ANO10: variants seen among roughly 807,000 people sequenced by gnomAD.
The protein encoded by ANO10 is anoctamin 10, also known as anoctamin-10.
Under a neutral mutation model 74.7 loss-of-function variants are expected in ANO10, and 77 were observed. That is an observed-to-expected ratio of 1.03 (90% CI 0.86 to 1.25). The LOEUF is 1.25. ANO10 is among the 50% of genes most tolerant of loss of function. ANO10 has a pLI of 0.00. For synonymous variants in ANO10, 279 were observed against 284.9 expected (o/e 0.98, Z 0.21); for missense variants, 721 against 778.1 (o/e 0.93, Z 0.87).
intron 11 of ANO10, among the ~76,000 whole-genome samples, chr3:43,482,858 C>T (rs910382648): frequency 6.6e-6 from 1 of 152,142 alleles, no homozygotes; most frequent in Non-Finnish European, 1.5e-5. Context: ...GGGTACAGGG[C>T]AGGGTACAGG....
At chr3:43,459,463 T>C (rs564133397) in intron 11 of ANO10, among the ~76,000 whole-genome samples, 1 of 152,294 alleles carries the variant, frequency 6.6e-6, no homozygotes, top group South Asian at 2.1e-4. Context: ...TTGCTGGCAA[T>C]GAAACAAGGT....
intron 11 of ANO10, among the ~76,000 whole-genome samples, chr3:43,434,840 A>G (rs2093043218): frequency 6.6e-6 from 1 of 152,176 alleles, no homozygotes; most frequent in African/African-American, 2.4e-5. Context: ...GAATTGAAAA[A>G]AGTTGGTATT....
At chr3:43,677,867 T>C (rs576508470) in intron 1 of ANO10, among the ~76,000 whole-genome samples, 2 of 152,336 alleles carry the variant, frequency 1.3e-5, no homozygotes, top group East Asian at 3.9e-4. Flanking sequence ...AGTTTCAGCA[T>C]TGGAAATGAC....
At chr3:43,387,522 A>G (rs2092156966) in intron 12 of ANO10, among the ~76,000 whole-genome samples, 1 of 152,182 alleles carries the variant, frequency 6.6e-6, no homozygotes, top group African/African-American at 2.4e-5. Context: ...GGAGCAGTCT[A>G]TAGCTGGGGC....
intron 11 of ANO10, among the ~76,000 whole-genome samples, chr3:43,453,582 T>C (rs1172355635): frequency 6.6e-6 from 1 of 152,190 alleles, no homozygotes; most frequent in Non-Finnish European, 1.5e-5. Context: ...TCTTAAGAGT[T>C]TTCTAGTCTT....
intron 12 of ANO10, among the ~76,000 whole-genome samples, chr3:43,422,245 T>C (rs1346382189): frequency 6.6e-6 from 1 of 151,992 alleles, no homozygotes; most frequent in African/African-American, 2.4e-5. Context: ...GCCTCCTGAG[T>C]AGCTGGGATT....
At chr3:43,466,012 C>T (rs191918919) in intron 11 of ANO10, among the ~76,000 whole-genome samples, 24 of 151,940 alleles carry the variant, frequency 1.6e-4, no homozygotes, top group Non-Finnish European at 2.6e-4. Flanking sequence ...GAATCCAGAA[C>T]GGCAAAACAA....
intron 4 of ANO10, among the ~76,000 whole-genome samples, chr3:43,588,943 T>C (rs1411526356): frequency 6.6e-6 from 1 of 152,130 alleles, no homozygotes; most frequent in Non-Finnish European, 1.5e-5. Flanking sequence ...AGAGCTATGA[T>C]GGATCAAGAA....
rs1481357487 is a variant in ANO10 at position 43,606,489 on chromosome 3, A to C, written c.-11-626T>G. 2.6e-5 allele frequency among the ~76,000 whole-genome samples: 4 copies of C among 152,086 alleles called. No individual in the cohort carries two copies. The East Asian group carries it at 7.7e-4, about 29-fold the overall frequency. ...GATGTAGTCGGTAGGGAGCTATTACAGATCACAAAGAGTCAGCCTAGAGTG... is the reference window on the plus strand; with the variant it reads ...GATGTAGTCGGTAGGGAGCTATTACCGATCACAAAGAGTCAGCCTAGAGTG... On this transcript the variant is annotated intron_variant, in intron 1 of 12. Transcript: ENST00000292246.
chr3:43,552,982 T>C (rs1423715620), intron 10 of ANO10, among the ~76,000 whole-genome samples: 2 of 151,896 alleles, frequency 1.3e-5, no homozygotes, highest in African/African-American at 2.4e-5. Flanking sequence ...TTGGTAGAGA[T>C]GGGGTTTCAC....
intron 11 of ANO10, among the ~76,000 whole-genome samples, chr3:43,435,751 G>A (rs554250447): frequency 2.6e-5 from 4 of 152,198 alleles, no homozygotes; most frequent in Non-Finnish European, 5.9e-5. Flanking sequence ...AGCATCAGTG[G>A]GAAGGTTAAG....
intron 12 of ANO10, among the ~76,000 whole-genome samples, chr3:43,420,350 G>A (rs770637058): frequency 2.6e-5 from 4 of 152,144 alleles, no homozygotes; most frequent in Non-Finnish European, 4.4e-5. Context: ...GGAGGCTGAG[G>A]TGTGAGGATA....
chr3:43,482,199 A>G (rs1362207267), intron 11 of ANO10, among the ~76,000 whole-genome samples: 1 of 151,950 alleles, frequency 6.6e-6, no homozygotes, highest in Admixed American at 6.6e-5. Context: ...AAGTGCTGGG[A>G]TTATAGGTGT....
rs2091421953 is a variant in ANO10, at chr3:43,366,708, G to A, written c.*198C>T. The A allele has an allele frequency of 4.7e-6, 3 of 639,824 alleles. No individual in the cohort carries two copies. Among genetic ancestry groups the A allele is most frequent in the Admixed American group, 2.3e-5 (1 of 43,354 alleles). 39.6% of individuals were successfully genotyped at this position (639,824 alleles called of 1,614,324 possible). On this transcript the variant is annotated 3_prime_UTR_variant, in exon 13 of 13. Transcript: ENST00000292246. Reference sequence around the variant, plus strand: ...GAAGGAGCAGACAGGGTGGGGCTGGGGGAACTGCCAAGGATCCCGAGCCAA... The same window carrying A: ...GAAGGAGCAGACAGGGTGGGGCTGGAGGAACTGCCAAGGATCCCGAGCCAA...
intron 4 of ANO10, among the ~76,000 whole-genome samples, chr3:43,586,281 G>A (rs1056824703): frequency 2.0e-5 from 3 of 152,098 alleles, no homozygotes; most frequent in Admixed American, 1.3e-4. Context: ...AGGATGGAAG[G>A]TAACTAGCTG....
intron 12 of ANO10, among the ~76,000 whole-genome samples, chr3:43,368,806 C>T (rs939704675): frequency 1.3e-5 from 2 of 152,062 alleles, no homozygotes; most frequent in South Asian, 4.1e-4. Flanking sequence ...CTCAATTTCC[C>T]AAGTAGCTGG....
intron 1 of ANO10, among the ~76,000 whole-genome samples, chr3:43,652,302 A>G (rs1393972803): frequency 6.6e-6 from 1 of 152,208 alleles, no homozygotes; most frequent in Non-Finnish European, 1.5e-5. Context: ...AAGGATAGAT[A>G]TATATTAATA....
intron 12 of ANO10, among the ~76,000 whole-genome samples, chr3:43,390,244 G>T (rs982343902): frequency 6.6e-6 from 1 of 152,058 alleles, no homozygotes; most frequent in African/African-American, 2.4e-5. Flanking sequence ...ACCACCTCTG[G>T]GTCTCCTCTC....
chr3:43,574,399 T>C (rs1183896754), intron 7 of ANO10, among the ~76,000 whole-genome samples: 1 of 151,914 alleles, frequency 6.6e-6, no homozygotes, highest in Non-Finnish European at 1.5e-5. Flanking sequence ...GCTTCCCAAG[T>C]AGCTGGGATT....
Sources: allele counts gnomAD v4.1 joint callset (sites outside exome capture counted in the v4.1 genomes callset), GRCh38; gene constraint gnomAD v4.1.1; transcripts MANE v1.5; gene names NCBI Gene and HGNC (gene_info 2026-07-23, HGNC 2026-07-21).